The following CRACD variants were observed in gnomAD, a reference collection of about 807,000 sequenced individuals.
CRACD encodes the protein capping protein inhibiting regulator of actin dynamics, also known as capping protein-inhibiting regulator of actin dynamics.
CRACD carries 56 observed loss-of-function variants against 106.8 expected under a neutral mutation model. That is an observed-to-expected ratio of 0.52 (90% CI 0.42 to 0.66). The LOEUF is 0.66. Ranked by LOEUF, CRACD falls within the 30% of genes least tolerant of loss-of-function variation. CRACD has a pLI of 0.00. For missense variants in CRACD, 1,730 were observed against 1,623.2 expected, an observed-to-expected ratio of 1.07 and a Z score of -1.13; for synonymous variants, 754 against 670.8, an observed-to-expected ratio of 1.12 and a Z score of -1.92.
chr4:56,262,689 C>T (rs1271221374), intron 2 of CRACD, among the ~76,000 whole-genome samples: 2 of 152,190 alleles, frequency 1.3e-5, no homozygotes, highest in Non-Finnish European at 2.9e-5. Flanking sequence ...CAAATTTGCA[C>T]TTTCAGAACA....
At chr4:56,127,411 A>T (rs1734694483) in intron 1 of CRACD, among the ~76,000 whole-genome samples, 1 of 152,188 alleles carries the variant, frequency 6.6e-6, no homozygotes, top group Non-Finnish European at 1.5e-5. Context: ...GAAAGAGAGG[A>T]GTGCATTTTT....
At chr4:56,096,444 G>A (rs1248625420) in intron 1 of CRACD, among the ~76,000 whole-genome samples, 1 of 150,044 alleles carries the variant, frequency 6.7e-6, no homozygotes, top group Non-Finnish European at 1.5e-5. Flanking sequence ...TGGGCGTGGT[G>A]TCTCACATCT....
In CRACD at chr4:56,226,084, T is replaced by C. The variant is rs116167850; in HGVS notation, c.-188-46237T>C. Among the ~76,000 whole-genome samples, 369 of 152,104 alleles carry C rather than the reference T, an allele frequency of 2.4e-3. 1 individual carries two copies. The highest frequency in any genetic ancestry group is 4.4e-3 in the Admixed American group (67 of 15,278). On this transcript the variant is annotated intron_variant, in intron 2 of 10. Transcript: ENST00000682029. ...GAGCAAAATAGCAAAAGTGAAGTCG[T>C]AAGAAGTGGGGCCTTCTTATCCACA...
At chr4:56,060,298 A>G (rs763736317) in intron 1 of CRACD, among the ~76,000 whole-genome samples, 1 of 151,524 alleles carries the variant, frequency 6.6e-6, no homozygotes. Flanking sequence ...CTCATAGTCC[A>G]TCTAGTATAG....
chr4:56,293,755 G>A lies in CRACD; in HGVS notation c.-16-4459G>A, dbSNP rs1400297266. Among the ~76,000 whole-genome samples, 5 of 152,144 alleles carry A rather than the reference G, an allele frequency of 3.3e-5. No individual in the cohort carries two copies. In the South Asian group the frequency reaches 1.0e-3, roughly 32 times the overall value. ...TCACTACCATGAAAATAGCACCAAG[G>A]GGATTATGCTGAACCGTTCATGAGA... is the stretch of plus-strand genomic sequence containing the variant. On this transcript the variant is annotated intron_variant, in intron 3 of 10. Coordinates refer to ENST00000682029, the MANE Select transcript of CRACD (RefSeq NM_001393381.1).
At chr4:56,102,810 T>A (rs1733822257) in intron 1 of CRACD, among the ~76,000 whole-genome samples, 1 of 152,224 alleles carries the variant, frequency 6.6e-6, no homozygotes, top group African/African-American at 2.4e-5. Context: ...TGGGACTTCA[T>A]AATTGCAGAG....
intron 3 of CRACD, among the ~76,000 whole-genome samples, chr4:56,278,289 A>G (rs181262023): frequency 2.0e-5 from 3 of 152,322 alleles, no homozygotes; most frequent in African/African-American, 7.2e-5. Context: ...CTAAACAGTG[A>G]AGTACTGGTA....
At chr4:56,149,043 T>G (rs1433737510) in intron 1 of CRACD, among the ~76,000 whole-genome samples, 2 of 152,220 alleles carry the variant, frequency 1.3e-5, no homozygotes, top group Non-Finnish European at 2.9e-5. Context: ...CTTGAACTCC[T>G]GACCTCAGGT....
chr4:56,178,747 T>C (rs1227713349), intron 1 of CRACD, among the ~76,000 whole-genome samples: 1 of 152,212 alleles, frequency 6.6e-6, no homozygotes, highest in Non-Finnish European at 1.5e-5. Context: ...TTGGACATTT[T>C]CTACCTCCAT....
chr4:56,255,525 T>A (rs6846642), intron 2 of CRACD, among the ~76,000 whole-genome samples: 20,068 of 151,826 alleles, frequency 0.13, 3,273 homozygotes, highest in East Asian at 0.61. Flanking sequence ...GAAATCAGTG[T>A]CACTGCAATA....
At chr4:56,159,791 T>G (rs1009167214) in intron 1 of CRACD, among the ~76,000 whole-genome samples, 2 of 152,210 alleles carry the variant, frequency 1.3e-5, no homozygotes, top group South Asian at 4.1e-4. Context: ...TTGTTATTAT[T>G]ATTTTTTGAG....
intron 1 of CRACD, among the ~76,000 whole-genome samples, chr4:56,116,241 C>T (rs1042071063): frequency 2.0e-5 from 3 of 152,086 alleles, no homozygotes; most frequent in African/African-American, 7.2e-5. Flanking sequence ...TTCTGGTCTC[C>T]TAATGGCATA....
chr4:56,119,391 C>T (rs558295469), intron 1 of CRACD, among the ~76,000 whole-genome samples: 16 of 151,748 alleles, frequency 1.1e-4, no homozygotes, highest in African/African-American at 3.4e-4. Context: ...AGTGCAGTGG[C>T]GCCATCATGG....
At chr4:56,054,184 G>A (rs1731973237) in intron 1 of CRACD, among the ~76,000 whole-genome samples, 1 of 152,084 alleles carries the variant, frequency 6.6e-6, no homozygotes, top group Non-Finnish European at 1.5e-5. Context: ...ATTCATTTAT[G>A]TTTTTATTTA....
chr4:56,296,759 T>C (rs1379072833), intron 3 of CRACD, among the ~76,000 whole-genome samples: 2 of 152,214 alleles, frequency 1.3e-5, no homozygotes, highest in East Asian at 3.9e-4. Context: ...CATGCCTTGC[T>C]GCTCTTCCTG....
chr4:56,315,170 C>G lies in CRACD; in HGVS notation c.1668C>G (p.Ser556Arg). The change falls in exon 8 of 11, where the codon AGC becomes AGG. Residue 556 changes from serine to arginine, a missense_variant. By Grantham distance (110) the Ser-to-Arg change is moderately radical. Transcript: ENST00000682029. This position sits in a 1 kb window ranked among gnomAD's most constrained non-coding sequence, Gnocchi z 4.1. ...TTCTCTTTCCCAAAGTCAACCTGAG[C>G]CCCGTGACGCCCGCAAAGGACACGG... ...KQILFPKVNL[S>R]PVTPAKDTGL... 1 of 1,599,004 alleles carries G rather than the reference C, an allele frequency of 6.3e-7. No homozygotes were observed. The highest frequency in any genetic ancestry group is 1.1e-5 in the South Asian group (1 of 88,630).
intron 4 of CRACD, among the ~76,000 whole-genome samples, chr4:56,306,392 G>T (rs1287128008): frequency 6.6e-6 from 1 of 152,038 alleles, no homozygotes; most frequent in Non-Finnish European, 1.5e-5. Context: ...TACTTGGAAG[G>T]CTGAGGTGGG....
chr4:56,208,197 T>C (rs1214619102), intron 2 of CRACD, among the ~76,000 whole-genome samples: 1 of 152,102 alleles, frequency 6.6e-6, no homozygotes, highest in Non-Finnish European at 1.5e-5. Context: ...CTTCCCTGGT[T>C]AACTTTACCT....
chr4:56,188,280 C>T (rs1417556773), intron 2 of CRACD, among the ~76,000 whole-genome samples: 1 of 152,026 alleles, frequency 6.6e-6, no homozygotes, highest in Non-Finnish European at 1.5e-5. Flanking sequence ...AGAACTGGAA[C>T]CCCAATTTCT....
Sources: allele counts gnomAD v4.1 joint callset (sites outside exome capture counted in the v4.1 genomes callset), GRCh38; gene constraint gnomAD v4.1.1; non-coding constraint Gnocchi (gnomAD v3.1); transcripts MANE v1.5; gene names NCBI Gene and HGNC (gene_info 2026-07-23, HGNC 2026-07-21).